RAB31: variants seen among roughly 807,000 people sequenced by gnomAD.
RAB31 encodes ras-related protein Rab-31.
A neutral mutation model predicts 25.6 loss-of-function variants in RAB31; 21 were observed. That is an observed-to-expected ratio of 0.82 (90% confidence interval 0.58 to 1.18). RAB31 has a LOEUF of 1.18. RAB31 is among the 50% of genes most tolerant of loss of function. RAB31 has a pLI of 0.00. For synonymous variants in RAB31, 87 were observed against 84.0 expected (o/e 1.04, Z -0.20); for missense variants, 196 against 250.1 (o/e 0.78, Z 1.46).
chr18:9,819,915 A>G (rs776561275), intron 5 of RAB31, among the ~76,000 whole-genome samples: 4 of 152,048 alleles, frequency 2.6e-5, no homozygotes, highest in Non-Finnish European at 5.9e-5. Context: ...CTTGTATCCT[A>G]TAACTTTCCT....
Position 9,803,798 on chromosome 18 carries a change from C to T in RAB31, c.202-10222C>T, listed in dbSNP as rs137964635. ...GGAGAGGGGCATGAGGGGACCCTGA[C>T]GGCAGCTGTGCAGGTGGAGCAGGGA... On this transcript the variant is annotated intron_variant, in intron 3 of 6. Transcript: ENST00000578921. Among the ~76,000 whole-genome samples the T allele has an allele frequency of 2.5e-3, 386 of 152,302 alleles. 1 individual carries two copies. Among genetic ancestry groups the T allele is most frequent in the African/African-American group, 9.0e-3 (372 of 41,560 alleles).
chr18:9,830,758 C>T (rs1198377845), intron 5 of RAB31: 1 of 152,110 alleles, frequency 6.6e-6, no homozygotes, highest in Non-Finnish European at 1.5e-5. Flanking sequence ...ATTTCCATAC[C>T]TCCAAGATCA....
At chr18:9,761,237 G>C (rs1031555) in intron 1 of RAB31, among the ~76,000 whole-genome samples, 120,245 of 152,162 alleles carry the variant, frequency 0.79, 47,660 homozygotes, top group East Asian at 0.86. Context: ...TTCAGAATCA[G>C]TACTCGCAGA....
intron 1 of RAB31, chr18:9,735,545 C>A: frequency 5.1e-6 from 1 of 197,622 alleles, no homozygotes. Context: ...GGTGATGTGG[C>A]CATGGCCGTG....
At chr18:9,832,105 G>A (rs915457954) in intron 5 of RAB31, among the ~76,000 whole-genome samples, 5 of 152,142 alleles carry the variant, frequency 3.3e-5, no homozygotes, top group Non-Finnish European at 7.3e-5. Context: ...TGCTGTGGTG[G>A]CCTTTATGGT....
chr18:9,726,855 G>T (rs773190940), intron 1 of RAB31, among the ~76,000 whole-genome samples: 4 of 152,002 alleles, frequency 2.6e-5, no homozygotes, highest in Non-Finnish European at 5.9e-5. Flanking sequence ...GTAAACACCT[G>T]GGTCAAGAAA....
At chr18:9,824,881 T>C (rs60480347) in intron 5 of RAB31, among the ~76,000 whole-genome samples, 6,807 of 152,282 alleles carry the variant, frequency 0.045, 221 homozygotes, top group African/African-American at 0.097. Context: ...CCCTCTGAAT[T>C]TGAGGCATGA....
chr18:9,839,880 T>C (rs2068723976), intron 5 of RAB31, among the ~76,000 whole-genome samples: 2 of 152,298 alleles, frequency 1.3e-5, no homozygotes, highest in Middle Eastern at 6.8e-3. Context: ...TGAGCCTGAT[T>C]GGTCTCTTTT....
At position 9,845,678 on chromosome 18, in the gene RAB31, C is replaced by A; in HGVS notation, c.477C>A (p.Leu159=). The A allele has an allele frequency of 6.4e-7, 1 of 1,554,302 alleles. No homozygotes were observed. Among genetic ancestry groups the A allele is most frequent in the East Asian group, 2.4e-5 (1 of 41,704 alleles). Residue 159 remains leucine, a synonymous_variant, in exon 6 of 7, where the codon CTC becomes CTA. Coordinates refer to ENST00000578921, the MANE Select transcript of RAB31 (RefSeq NM_006868.4). The stretch of plus-strand genomic sequence containing the variant: ...AAAATGCTATTAATATCGAAGAGCT[C>A]TTTCAAGGAATCAGTAAGTACCTGA... ...SAKNAINIEE[L]FQGISRQIPP...
chr18:9,813,363 C>T (rs990616936), intron 3 of RAB31, among the ~76,000 whole-genome samples: 5 of 152,038 alleles, frequency 3.3e-5, no homozygotes, highest in South Asian at 2.1e-4. Flanking sequence ...CCTTTACTGC[C>T]GCATAATTCT....
At chr18:9,709,601 C>T (rs1401462890) in intron 1 of RAB31, among the ~76,000 whole-genome samples, 1 of 152,226 alleles carries the variant, frequency 6.6e-6, no homozygotes, top group Non-Finnish European at 1.5e-5. Context: ...CCATCATCGG[C>T]TCCCATCACC....
chr18:9,708,615 C>T lies in RAB31; in HGVS notation c.39+171C>T, dbSNP rs531314141. ...CCTGGTTCCCCGGGTCCCCCTGGCT[C>T]CCCTAGTCCGTGCGCCCCTCGCTCT... is the stretch of plus-strand genomic sequence containing the variant. On this transcript the variant is annotated intron_variant, in intron 1 of 6. Transcript: ENST00000578921. This position sits in a 1 kb window ranked among gnomAD's most constrained non-coding sequence, Gnocchi z 6.4. 5.3e-5 allele frequency among the ~76,000 whole-genome samples: 8 copies of T among 151,800 alleles called. No individual in the cohort carries two copies. The highest frequency in any genetic ancestry group is 1.0e-4 in the Non-Finnish European group (7 of 67,862).
At chr18:9,738,664 T>G (rs1022413162) in intron 1 of RAB31, among the ~76,000 whole-genome samples, 2 of 152,176 alleles carry the variant, frequency 1.3e-5, no homozygotes, top group Admixed American at 1.3e-4. Flanking sequence ...TCCTTTATAA[T>G]AAACTGGTGA....
At chr18:9,819,337 A>G (rs1268811655) in intron 5 of RAB31, among the ~76,000 whole-genome samples, 3 of 152,126 alleles carry the variant, frequency 2.0e-5, no homozygotes, top group Non-Finnish European at 4.4e-5. Flanking sequence ...TTTCTTTCCC[A>G]TTGAATCTTT....
chr18:9,788,446 A>G (rs891855132), intron 2 of RAB31, among the ~76,000 whole-genome samples: 1 of 152,248 alleles, frequency 6.6e-6, no homozygotes, highest in African/African-American at 2.4e-5. Context: ...CTGTTGGTAA[A>G]TTAAGCACTG....
At chr18:9,791,185 G>A (rs2068457727) in intron 2 of RAB31, among the ~76,000 whole-genome samples, 2 of 152,080 alleles carry the variant, frequency 1.3e-5, no homozygotes, top group African/African-American at 4.8e-5. Flanking sequence ...TGCTACTAGT[G>A]TTGGTTTCAT....
At chr18:9,756,739 G>A (rs538537763) in intron 1 of RAB31, among the ~76,000 whole-genome samples, 53 of 152,300 alleles carry the variant, frequency 3.5e-4, no homozygotes, top group African/African-American at 1.1e-3. Flanking sequence ...TGCTTGGCAC[G>A]TAGTAGGTGC....
At chr18:9,732,214 G>A (rs997044646) in intron 1 of RAB31, among the ~76,000 whole-genome samples, 1 of 152,154 alleles carries the variant, frequency 6.6e-6, no homozygotes, top group Admixed American at 6.5e-5. Flanking sequence ...GACCATCTTC[G>A]TCCAGGGGGA....
At chr18:9,752,067 G>A (rs180739692) in intron 1 of RAB31, among the ~76,000 whole-genome samples, 132 of 152,210 alleles carry the variant, frequency 8.7e-4, no homozygotes, top group African/African-American at 3.1e-3. Context: ...TGACTCTCCT[G>A]TAGGGAGTAA....
Sources: gnomAD v4.1 joint callset for allele counts (sites outside exome capture counted in the v4.1 genomes callset) on GRCh38, gnomAD v4.1.1 for gene constraint, Gnocchi (gnomAD v3.1) non-coding constraint, MANE v1.5 for transcripts, NCBI Gene and HGNC (gene_info 2026-07-23, HGNC 2026-07-21) for gene names.